PSD3: variants seen among roughly 807,000 people sequenced by gnomAD.
PSD3 encodes the protein PH and SEC7 domain-containing protein 3.
A neutral mutation model predicts 105.5 loss-of-function variants in PSD3; 49 were observed. That is an observed-to-expected ratio of 0.46 (90% CI 0.37 to 0.59). The LOEUF is 0.59. PSD3 is among the 20% of genes least tolerant of loss of function. The pLI is 0.00. For missense variants in PSD3, 1,561 were observed against 1,263.8 expected, an observed-to-expected ratio of 1.24 and a Z score of -3.57; for synonymous variants, 557 against 457.8, an observed-to-expected ratio of 1.22 and a Z score of -2.77.
chr8:18,943,476 G>C (rs749339547), intron 1 of PSD3, among the ~76,000 whole-genome samples: 11 of 152,038 alleles, frequency 7.2e-5, no homozygotes. Flanking sequence ...ATGATCTAGT[G>C]ATAACTGACA....
At chr8:18,900,763 C>A (rs1819453972) in intron 2 of PSD3, among the ~76,000 whole-genome samples, 1 of 151,566 alleles carries the variant, frequency 6.6e-6, no homozygotes, top group African/African-American at 2.4e-5. Context: ...CCTCAGCCTC[C>A]CAAGTAGCTG....
chr8:18,844,519 C>T (rs920590183), intron 4 of PSD3, among the ~76,000 whole-genome samples: 13 of 152,050 alleles, frequency 8.5e-5, no homozygotes, highest in African/African-American at 2.4e-4. Flanking sequence ...ATATTTATAG[C>T]TCTTATTGTT....
intron 8 of PSD3, chr8:18,774,889 T>G (rs1401319487): frequency 2.2e-6 from 1 of 456,206 alleles, no homozygotes; most frequent in South Asian, 1.5e-5. Context: ...CCTTCTTGCC[T>G]CAAAGATCCT....
intron 12 of PSD3, among the ~76,000 whole-genome samples, chr8:18,579,272 C>A (rs929769273): frequency 6.6e-6 from 1 of 152,022 alleles, no homozygotes; most frequent in Non-Finnish European, 1.5e-5. Flanking sequence ...TAGAATTGGG[C>A]AGGAAGAAAT....
rs576375093 is a variant in PSD3, at chr8:18,683,750, A to G, written c.2173-28065T>C. 41 of 761,954 alleles carry G rather than the reference A, an allele frequency of 5.4e-5. No individual in the cohort carries two copies. The South Asian group carries it at 5.5e-4, about 10-fold the overall frequency. The allele number at this position is 761,954 out of a possible 1,614,324, so 47.2% of individuals were successfully genotyped here. ...TTGCCCTGCCACACAGCTGTCAATAAGGTTCAATGTGGTATTTCTTTACCT... is the reference window on the plus strand; with the variant it reads ...TTGCCCTGCCACACAGCTGTCAATAGGGTTCAATGTGGTATTTCTTTACCT... On this transcript the variant is annotated intron_variant, in intron 9 of 15. Transcript: ENST00000327040.
intron 9 of PSD3, among the ~76,000 whole-genome samples, chr8:18,681,675 TCA>T (rs1260737154): frequency 6.6e-6 from 1 of 152,090 alleles, no homozygotes; most frequent in African/African-American, 2.4e-5. Flanking sequence ...GTCATATTAT[TCA>T]GTTTATTTCA....
intron 9 of PSD3, among the ~76,000 whole-genome samples, chr8:18,714,743 C>T (rs1157934367): frequency 6.6e-6 from 1 of 152,236 alleles, no homozygotes; most frequent in South Asian, 2.1e-4. Context: ...AGACCTAGAA[C>T]CAGAAATACA....
intron 1 of PSD3, among the ~76,000 whole-genome samples, chr8:18,961,698 T>C (rs1307365004): frequency 6.6e-6 from 1 of 151,922 alleles, no homozygotes. Flanking sequence ...CTCAAATAAA[T>C]AAATGCAGAA....
At chr8:18,718,940 G>T (rs1585719195) in intron 9 of PSD3, among the ~76,000 whole-genome samples, 1 of 152,174 alleles carries the variant, frequency 6.6e-6, no homozygotes, top group South Asian at 2.1e-4. Context: ...CAGACCTTCA[G>T]TCTCCACTTG....
At chr8:18,958,071 A>G (rs1308597453) in intron 1 of PSD3, among the ~76,000 whole-genome samples, 2 of 152,134 alleles carry the variant, frequency 1.3e-5, no homozygotes, top group Admixed American at 1.3e-4. Context: ...AGGTACAATG[A>G]TGTTCATTTC....
chr8:19,048,636 C>T (rs1207174883), intron 1 of PSD3, among the ~76,000 whole-genome samples: 1 of 151,726 alleles, frequency 6.6e-6, no homozygotes, highest in Non-Finnish European at 1.5e-5. Context: ...GCTGAGTTGA[C>T]AGCCGTAGAG....
At chr8:18,686,494 G>A (rs1226916815) in intron 9 of PSD3, among the ~76,000 whole-genome samples, 1 of 152,162 alleles carries the variant, frequency 6.6e-6, no homozygotes, top group African/African-American at 2.4e-5. Context: ...ACTCTCTGTT[G>A]CAGAACACGT....
intron 10 of PSD3, among the ~76,000 whole-genome samples, chr8:18,644,768 G>A (rs921563758): frequency 6.6e-6 from 1 of 152,134 alleles, no homozygotes; most frequent in African/African-American, 2.4e-5. Context: ...TATTGTTATA[G>A]CAACAGCCCT....
chr8:18,865,568 T>C (rs1160105772), intron 4 of PSD3, among the ~76,000 whole-genome samples: 1 of 151,748 alleles, frequency 6.6e-6, no homozygotes, highest in African/African-American at 2.4e-5. Flanking sequence ...TATGCCAACC[T>C]CAAATAACAC....
intron 12 of PSD3, among the ~76,000 whole-genome samples, chr8:18,578,715 T>C (rs1802614483): frequency 6.8e-6 from 1 of 148,060 alleles, no homozygotes; most frequent in South Asian, 2.2e-4. Context: ...ATGACATTCT[T>C]ATGCTACTCT....
At chr8:18,556,810 T>G (rs762116947) in intron 14 of PSD3, among the ~76,000 whole-genome samples, 1 of 152,234 alleles carries the variant, frequency 6.6e-6, no homozygotes, top group Non-Finnish European at 1.5e-5. Flanking sequence ...TTTTTTTTCC[T>G]TTTTGAAAGA....
At chr8:19,014,739 G>T (rs546343290), upstream of PSD3, among the ~76,000 whole-genome samples, 1 of 152,198 alleles carries the variant, frequency 6.6e-6, no homozygotes, top group Non-Finnish European at 1.5e-5. This position sits in a 1 kb window ranked among gnomAD's most constrained non-coding sequence, Gnocchi z 4.9. Context: ...GTGGAGTCAG[G>T]TTCCCTGGTG....
intron 2 of PSD3, among the ~76,000 whole-genome samples, chr8:18,919,425 A>C (rs1025335221): frequency 6.6e-6 from 1 of 152,078 alleles, no homozygotes; most frequent in Admixed American, 6.6e-5. Context: ...CCATCCAAGG[A>C]CTACCTGAAT....
At chr8:18,977,730 T>C (rs1825021433) in intron 1 of PSD3, among the ~76,000 whole-genome samples, 1 of 152,212 alleles carries the variant, frequency 6.6e-6, no homozygotes, top group African/African-American at 2.4e-5. Flanking sequence ...ACATTAAAAA[T>C]TTAGACATGC....
Sources: gnomAD v4.1 joint callset for allele counts (sites outside exome capture counted in the v4.1 genomes callset) on GRCh38, gnomAD v4.1.1 for gene constraint, Gnocchi (gnomAD v3.1) non-coding constraint, MANE v1.5 for transcripts, NCBI Gene and HGNC (gene_info 2026-07-23, HGNC 2026-07-21) for gene names.